Variants in PKN2 observed in about 807,000 individuals in gnomAD.
The protein encoded by PKN2 is serine/threonine-protein kinase N2.
In PKN2, 38 loss-of-function variants were observed where a neutral mutation model predicts 119.1. The observed-to-expected ratio is 0.32, with a 90% confidence interval of 0.25 to 0.42. PKN2 has a LOEUF of 0.42. Ranked by LOEUF, PKN2 falls within the 10% of genes least tolerant of loss-of-function variation. The pLI, the probability that PKN2 is intolerant of heterozygous loss-of-function variation, is 1.00. For missense variants in PKN2, 850 were observed against 1,165.1 expected (o/e 0.73, Z 3.94); for synonymous variants, 390 against 384.9 (o/e 1.01, Z -0.15).
intron 1 of PKN2, among the ~76,000 whole-genome samples, chr1:88,695,562 TC>T (rs2100654110): frequency 6.6e-6 from 1 of 152,314 alleles, no homozygotes; most frequent in African/African-American, 2.4e-5. Flanking sequence ...TCCAACCTAC[TC>T]CTGCTCTTTT....
intron 8 of PKN2, among the ~76,000 whole-genome samples, chr1:88,797,192 T>C (rs996489774): frequency 6.6e-5 from 10 of 150,692 alleles, no homozygotes; most frequent in African/African-American, 2.4e-4. Flanking sequence ...AAATCAGCCA[T>C]GTGTGGTGGC....
intron 1 of PKN2, among the ~76,000 whole-genome samples, chr1:88,706,836 C>T (rs1054861932): frequency 1.3e-5 from 2 of 152,086 alleles, no homozygotes; most frequent in African/African-American, 4.8e-5. Context: ...GGTTAATGAG[C>T]AGTACTTCAG....
intron 1 of PKN2, among the ~76,000 whole-genome samples, chr1:88,719,604 A>G (rs1667587918): frequency 6.6e-6 from 1 of 152,158 alleles, no homozygotes. Flanking sequence ...ACTTCATATC[A>G]TTATGCTTGA....
chr1:88,737,818 T>G (rs546801370), intron 1 of PKN2, among the ~76,000 whole-genome samples: 1 of 152,300 alleles, frequency 6.6e-6, no homozygotes, highest in African/African-American at 2.4e-5. Context: ...AAGTGGGCTG[T>G]GTCTCTCTCT....
Position 88,738,888 on chromosome 1 carries a change from A to G in PKN2, c.49-2100A>G, listed in dbSNP as rs111716476. 1.0e-2 allele frequency among the ~76,000 whole-genome samples: 1,523 copies of G among 152,336 alleles called. 22 individuals are homozygous for G. Among genetic ancestry groups the G allele is most frequent in the African/African-American group, 0.035 (1,438 of 41,566 alleles). On this transcript the variant is annotated intron_variant, in intron 1 of 21. Coordinates refer to ENST00000370521, the MANE Select transcript of PKN2 (RefSeq NM_006256.4). Reference sequence around the variant, plus strand: ...GGGATTTTATTCTTTGACAATAGACATGTGCTAGTGTTGTTGACAACTTGC... The same window carrying G: ...GGGATTTTATTCTTTGACAATAGACGTGTGCTAGTGTTGTTGACAACTTGC...
chr1:88,755,211 C>A (rs566070457), intron 2 of PKN2, among the ~76,000 whole-genome samples: 20 of 152,102 alleles, frequency 1.3e-4, no homozygotes, highest in African/African-American at 3.6e-4. Flanking sequence ...AAATATGTTT[C>A]ACTATGAGAA....
intron 2 of PKN2, among the ~76,000 whole-genome samples, chr1:88,755,053 G>A (rs1414331382): frequency 6.6e-6 from 1 of 152,144 alleles, no homozygotes; most frequent in Non-Finnish European, 1.5e-5. Context: ...AGCAAAGTAT[G>A]TATTTAAGAG....
chr1:88,697,342 G>T (rs1230149012), intron 1 of PKN2, among the ~76,000 whole-genome samples: 3 of 152,136 alleles, frequency 2.0e-5, no homozygotes, highest in African/African-American at 7.2e-5. Flanking sequence ...TGACCAATCT[G>T]CCAGACCTGA....
chr1:88,815,726 T>C (rs1475581883), intron 16 of PKN2, among the ~76,000 whole-genome samples: 1 of 152,204 alleles, frequency 6.6e-6, no homozygotes, highest in Non-Finnish European at 1.5e-5. Context: ...TAAGGCTTGA[T>C]TGAAGATTAA....
At chr1:88,757,636 C>T (rs2100775837) in intron 2 of PKN2, among the ~76,000 whole-genome samples, 1 of 151,394 alleles carries the variant, frequency 6.6e-6, no homozygotes, top group East Asian at 1.9e-4. Flanking sequence ...TTACTTATCA[C>T]CTGAACCAGG....
intron 16 of PKN2, among the ~76,000 whole-genome samples, chr1:88,820,080 G>A (rs2100911014): frequency 6.6e-6 from 1 of 150,508 alleles, no homozygotes; most frequent in South Asian, 2.1e-4. Flanking sequence ...ACCATGACAC[G>A]TGAATACCTA....
At chr1:88,739,264 G>A (rs548616160) in intron 1 of PKN2, among the ~76,000 whole-genome samples, 3 of 151,684 alleles carry the variant, frequency 2.0e-5, no homozygotes, top group East Asian at 1.9e-4. Context: ...CTTAGGCCAA[G>A]AGTTTGAGAT....
At chr1:88,799,152 T>G (rs932677486) in intron 8 of PKN2, among the ~76,000 whole-genome samples, 1 of 152,246 alleles carries the variant, frequency 6.6e-6, no homozygotes, top group African/African-American at 2.4e-5. Context: ...TGTGCATAGT[T>G]GATAGAGCAT....
chr1:88,757,525 TG>T (rs940183595), intron 2 of PKN2, among the ~76,000 whole-genome samples: 6 of 152,192 alleles, frequency 3.9e-5, no homozygotes, highest in African/African-American at 1.4e-4. Flanking sequence ...TTCATTAAAA[TG>T]GTTAGTCACA....
intron 2 of PKN2, among the ~76,000 whole-genome samples, chr1:88,749,785 T>C (rs1308878741): frequency 2.0e-5 from 3 of 152,212 alleles, no homozygotes; most frequent in Non-Finnish European, 2.9e-5. Context: ...TATAGATAAA[T>C]AGTAAGCTAG....
In PKN2 at chr1:88,782,412, G is replaced by A. The variant is rs143052740; in HGVS notation, c.986-2227G>A. The stretch of plus-strand genomic sequence containing the variant: ...TTTTTCTAATACATTTTGTGTCTCC[G>A]ATTCTTTCTGCTCTCTCTTAATGAG... On this transcript the variant is annotated intron_variant, in intron 6 of 21. Transcript: ENST00000370521. Among the ~76,000 whole-genome samples, 376 of 151,064 alleles carry A rather than the reference G, an allele frequency of 2.5e-3. 4 individuals are homozygous for A. In the East Asian group the frequency reaches 0.03, roughly 12 times the overall value.
chr1:88,783,848 A>C (rs1413852824), intron 6 of PKN2, among the ~76,000 whole-genome samples: 1 of 152,180 alleles, frequency 6.6e-6, no homozygotes, highest in Non-Finnish European at 1.5e-5. Flanking sequence ...TTTTTGGCTA[A>C]TTAAACTAAC....
intron 2 of PKN2, among the ~76,000 whole-genome samples, chr1:88,745,811 C>T (rs1057286344): frequency 6.6e-6 from 1 of 152,132 alleles, no homozygotes; most frequent in Non-Finnish European, 1.5e-5. Context: ...AGAAGCATCA[C>T]ACTACCAAAT....
intron 19 of PKN2, chr1:88,829,333 A>AGG: frequency 2.0e-6 from 1 of 511,386 alleles, no homozygotes; most frequent in Admixed American, 2.8e-5. Flanking sequence ...TCGCTACACC[A>AGG]ACAGCTCCAC....
Sources: gnomAD v4.1 joint callset for allele counts (sites outside exome capture counted in the v4.1 genomes callset) on GRCh38, gnomAD v4.1.1 for gene constraint, MANE v1.5 for transcripts, NCBI Gene and HGNC (gene_info 2026-07-23, HGNC 2026-07-21) for gene names.